IRX2: variants seen among roughly 807,000 people sequenced by gnomAD.
The protein encoded by IRX2 is iroquois-class homeodomain protein IRX-2.
IRX2 carries 26 observed loss-of-function variants against 42.9 expected under a neutral mutation model. That is an observed-to-expected ratio of 0.61 (90% CI 0.44 to 0.84). IRX2 has a LOEUF of 0.84. Among genes scored for constraint, IRX2 ranks in the 40% least tolerant of loss-of-function variants. The pLI, the probability that IRX2 is intolerant of heterozygous loss-of-function variation, is 0.00. For synonymous variants in IRX2, 424 were observed against 353.9 expected (o/e 1.20, Z -2.22); for missense variants, 782 against 713.9 (o/e 1.10, Z -1.09).
rs539903697 is a variant in IRX2 at position 2,747,349 on chromosome 5, T to C, written c.*215A>G. 6 of 435,638 alleles carry C rather than the reference T, an allele frequency of 1.4e-5. No homozygotes were observed. The highest frequency in any genetic ancestry group is 1.4e-4 in the East Asian group (4 of 29,610). The allele number at this position is 435,638 out of a possible 1,614,324, so 27.0% of individuals were successfully genotyped here. A position where few individuals can be genotyped will look rare whatever the true frequency, so the allele number is the denominator to read the frequency against. On this transcript the variant is annotated 3_prime_UTR_variant, in exon 4 of 4. Transcript: ENST00000302057. ...TTTTTTCCTTCCCTAGGTAAAGGAGTGATAGAACTTGTGCCAAAAAGAGGG... is the reference window on the plus strand; with the variant it reads ...TTTTTTCCTTCCCTAGGTAAAGGAGCGATAGAACTTGTGCCAAAAAGAGGG...
downstream of IRX2, among the ~76,000 whole-genome samples, chr5:2,745,111 T>C (rs1737628348): frequency 6.6e-6 from 1 of 152,226 alleles, no homozygotes. Context: ...CAAGATTTTA[T>C]AAATTGTTCA....
the IRX2 span, among the ~76,000 whole-genome samples, chr5:2,740,173 C>A: frequency 6.9e-6 from 1 of 145,376 alleles, no homozygotes; most frequent in African/African-American, 2.7e-5. Flanking sequence ...CCGGGGCAGT[C>A]GTGGCGTGCG....
Position 2,746,863 on chromosome 5 carries a change from C to A in IRX2, c.*701G>T, listed in dbSNP as rs1208007387. The A allele has an allele frequency of 2.7e-5, 4 of 149,704 alleles. No individual in the cohort carries two copies. Among genetic ancestry groups the A allele is most frequent in the Non-Finnish European group, 5.9e-5 (4 of 67,716 alleles). The allele number at this position is 149,704 out of a possible 1,614,324, so 9.3% of individuals were successfully genotyped here. On this transcript the variant is annotated 3_prime_UTR_variant, in exon 4 of 4. Coordinates refer to ENST00000302057, the MANE Select transcript of IRX2 (RefSeq NM_033267.5). ...AACACCATTATAAAAACGAGTTGATCTGAAGTGGTTCCAAATCTTTCTTAT... is the reference window on the plus strand; with the variant it reads ...AACACCATTATAAAAACGAGTTGATATGAAGTGGTTCCAAATCTTTCTTAT...
At position 2,749,729 on chromosome 5, in the gene IRX2, T is replaced by C. The variant is rs1462954349; in HGVS notation, c.308A>G (p.Tyr103Cys). The C allele has an allele frequency of 6.2e-7, 1 of 1,613,682 alleles. No homozygotes were observed. Among genetic ancestry groups the C allele is most frequent in the Non-Finnish European group, 8.5e-7 (1 of 1,179,864 alleles). Reference protein sequence around the residue: ...GMTGAISYHPYGSAAYPYQLN... With the variant: ...GMTGAISYHPCGSAAYPYQLN... ...CTGGTACGGGTAGGCCGCGCTGCCGTACGGGTGGTAGCTGATGGCGCCGGT... is the reference window on the plus strand; with the variant it reads ...CTGGTACGGGTAGGCCGCGCTGCCGCACGGGTGGTAGCTGATGGCGCCGGT... The change falls in exon 2 of 4, where the codon TAC (tyrosine) becomes TGC (cysteine). Residue 103 changes from tyrosine (Y) to cysteine (C), a missense_variant. Around this residue, in one of 3 missense-constraint regions of IRX2, gnomAD observed 256 missense variants for 250.0 expected, o/e 1.02. Transcript: ENST00000302057.
At position 2,748,349 on chromosome 5, in the gene IRX2, C is replaced by T; in HGVS notation, c.1359G>A (p.Lys453=). Reference sequence around the variant, plus strand: ...CGCCGGCCGCGGGCCGCCTACCTTTCTTGGGCTCGTAGCCGCCGCCCGGGG... The same window carrying T: ...CGCCGGCCGCGGGCCGCCTACCTTTTTTGGGCTCGTAGCCGCCGCCCGGGG... ...YRSPGGGYEP[K]KDASEGCTVV... Residue 453 remains lysine (K), a synonymous_variant, in exon 3 of 4, where the codon AAG becomes AAA. Coordinates refer to ENST00000302057, the MANE Select transcript of IRX2 (RefSeq NM_033267.5). 1 of 1,443,076 alleles carries T rather than the reference C, an allele frequency of 6.9e-7. No homozygotes were observed. 89.4% of individuals were successfully genotyped at this position (1,443,076 alleles called of 1,614,324 possible).
rs527419414 is a variant in IRX2 at position 2,747,631 on chromosome 5, G to A, written c.1364-15C>T. 3 of 1,613,698 alleles carry A rather than the reference G, an allele frequency of 1.9e-6. No homozygotes were observed. Among genetic ancestry groups the A allele is most frequent in the Non-Finnish European group, 1.7e-6 (2 of 1,179,842 alleles). On this transcript the variant is annotated splice_polypyrimidine_tract_variant and intron_variant, in intron 3 of 3. Transcript: ENST00000302057. ...CTCGCTGGCATCTGTCAGGGGAGTGGGCAGTTAGTCAGAACCGACCCCACA... is the reference window on the plus strand; with the variant it reads ...CTCGCTGGCATCTGTCAGGGGAGTGAGCAGTTAGTCAGAACCGACCCCACA...
the IRX2 span, among the ~76,000 whole-genome samples, chr5:2,739,825 A>G: frequency 1.3e-5 from 2 of 152,082 alleles, no homozygotes; most frequent in Non-Finnish European, 2.9e-5. Flanking sequence ...CCACGGGAGC[A>G]GGGGGACTGG....
chr5:2,737,171 G>A, the IRX2 span: 7 of 152,240 alleles, frequency 4.6e-5, no homozygotes, highest in African/African-American at 1.7e-4. Flanking sequence ...TCATTCACGA[G>A]AGGCCTCAGG....
At chr5:2,750,466 G>T (rs1333948889) in intron 1 of IRX2, among the ~76,000 whole-genome samples, 1 of 152,234 alleles carries the variant, frequency 6.6e-6, no homozygotes. Context: ...CGCGGCCCGG[G>T]CCTGGCCCAG....
Position 2,748,624 on chromosome 5 carries a change from A to G in IRX2, c.1084T>C (p.Ser362Pro). 6.7e-7 allele frequency: 1 copy of G among 1,487,262 alleles called. No homozygotes were observed. Among genetic ancestry groups the G allele is most frequent in the Admixed American group, 2.5e-5 (1 of 39,644 alleles). 92.1% of individuals were successfully genotyped at this position (1,487,262 alleles called of 1,614,324 possible). A position where few individuals can be genotyped will look rare whatever the true frequency, so the allele number is the denominator to read the frequency against. Residue 362 changes from serine to proline, a missense_variant, in exon 3 of 4, where the codon TCA becomes CCA. Physicochemically the swap from Ser to Pro is moderately conservative, Grantham distance 74. Transcript: ENST00000302057. Reference protein sequence around the residue: ...PGLPAAAAPASTGAPPGGSPY... With the variant: ...PGLPAAAAPAPTGAPPGGSPY... ...GAGCCTCCTGGCGGTGCCCCGGTTG[A>G]GGCCGGCGCGGCGGCCGCGGGCAGC...
the IRX2 span, among the ~76,000 whole-genome samples, chr5:2,738,332 T>G: frequency 1.3e-5 from 2 of 152,234 alleles, no homozygotes; most frequent in Admixed American, 1.3e-4. Flanking sequence ...CCCATTATCA[T>G]GAAGGGCACT....
rs1253991139 is a variant in IRX2, at chr5:2,749,722, G to A, written c.315C>T (p.Ser105=). 2 of 1,613,822 alleles carry A rather than the reference G, an allele frequency of 1.2e-6. No homozygotes were observed. Among genetic ancestry groups the A allele is most frequent in the South Asian group, 2.2e-5 (2 of 91,054 alleles). ...TGAISYHPYG[S]AAYPYQLNDP... is the part of the protein sequence containing the mutation. ...CGTTGAGCTGGTACGGGTAGGCCGC[G>A]CTGCCGTACGGGTGGTAGCTGATGG... is the stretch of plus-strand genomic sequence containing the variant. Residue 105 remains serine, a synonymous_variant, in exon 2 of 4, where the codon AGC becomes AGT. Coordinates refer to ENST00000302057, the MANE Select transcript of IRX2 (RefSeq NM_033267.5).
At chr5:2,739,799 G>C in the IRX2 span, among the ~76,000 whole-genome samples, 3 of 152,180 alleles carry the variant, frequency 2.0e-5, no homozygotes, top group Non-Finnish European at 4.4e-5. Context: ...GGCCAGCCAC[G>C]GAGGAGTCCC....
chr5:2,743,062 CAG>C (rs1182883525), downstream of IRX2, among the ~76,000 whole-genome samples: 1 of 152,174 alleles, frequency 6.6e-6, no homozygotes, highest in Non-Finnish European at 1.5e-5. Context: ...AAGAGAGCCT[CAG>C]GGGAACCCCG....
In IRX2 at chr5:2,751,453, C is replaced by T. The variant is rs546645271; in HGVS notation, c.-40G>A. 2 of 1,156,592 alleles carry T rather than the reference C, an allele frequency of 1.7e-6. No homozygotes were observed. The highest frequency in any genetic ancestry group is 1.0e-4 in the Admixed American group (2 of 20,086). 71.6% of individuals were successfully genotyped at this position (1,156,592 alleles called of 1,614,324 possible). A position where few individuals can be genotyped will look rare whatever the true frequency, so the allele number is the denominator to read the frequency against. ...GCGGGGCCCGCGTCACGCCGAGCAG[C>T]GGGCAGGGCGCGCGGCGCCCTCCAT... is the stretch of plus-strand genomic sequence containing the variant. On this transcript the variant is annotated 5_prime_UTR_variant, in exon 1 of 4. Coordinates refer to ENST00000302057, the MANE Select transcript of IRX2 (RefSeq NM_033267.5). The surrounding 1 kb of genome is among the most constrained non-coding windows in gnomAD (Gnocchi z 4.0).
downstream of IRX2, among the ~76,000 whole-genome samples, chr5:2,743,493 G>T (rs571731807): frequency 4.1e-5 from 6 of 147,208 alleles, no homozygotes; most frequent in South Asian, 4.2e-4. Flanking sequence ...GCCGCGGAGA[G>T]CAGAAGGGCT....
Position 2,747,557 on chromosome 5 carries a change from G to A in IRX2, c.*7C>T, listed in dbSNP as rs764100488. On this transcript the variant is annotated 3_prime_UTR_variant, in exon 4 of 4. Transcript: ENST00000302057. Reference sequence around the variant, plus strand: ...CCCACTTACTTGCATTGCTGTGCTCGGCCCTTCTATAGGTAGGGCTGGACG... The same window carrying A: ...CCCACTTACTTGCATTGCTGTGCTCAGCCCTTCTATAGGTAGGGCTGGACG... The A allele has an allele frequency of 3.1e-6, 5 of 1,613,554 alleles. No homozygotes were observed. The highest frequency in any genetic ancestry group is 1.1e-5 in the South Asian group (1 of 91,072).
At chr5:2,738,163 C>T in the IRX2 span, among the ~76,000 whole-genome samples, 323 of 152,348 alleles carry the variant, frequency 2.1e-3, 2 homozygotes, top group African/African-American at 7.5e-3. Flanking sequence ...TCAAAGCATG[C>T]CTTAACTCAG....
At chr5:2,750,775 G>A (rs1737924135) in intron 1 of IRX2, among the ~76,000 whole-genome samples, 1 of 152,202 alleles carries the variant, frequency 6.6e-6, no homozygotes, top group Non-Finnish European at 1.5e-5. Context: ...GGACCCTCGC[G>A]CCCCACGCCA....
Sources: allele counts gnomAD v4.1 joint callset (sites outside exome capture counted in the v4.1 genomes callset), GRCh38; gene constraint gnomAD v4.1.1; regional missense constraint gnomAD v4.1.1; non-coding constraint Gnocchi (gnomAD v3.1); transcripts MANE v1.5; gene names NCBI Gene and HGNC (gene_info 2026-07-23, HGNC 2026-07-21).